Variants in DKK2 observed in about 807,000 individuals in gnomAD.
DKK2 encodes the protein dickkopf-related protein 2.
DKK2 carries 11 observed loss-of-function variants against 28.1 expected under a neutral mutation model. The ratio of observed to expected loss-of-function variants is 0.39; its 90% CI spans 0.25 to 0.65. DKK2 has a LOEUF of 0.65. Among genes scored for constraint, DKK2 ranks in the 30% least tolerant of loss-of-function variants. DKK2 has a pLI of 0.47. For synonymous variants in DKK2, 135 were observed against 126.5 expected (o/e 1.07, Z -0.45); for missense variants, 326 against 335.5 (o/e 0.97, Z 0.22).
At chr4:106,926,478 G>A (rs907726716) in intron 1 of DKK2, among the ~76,000 whole-genome samples, 1 of 152,166 alleles carries the variant, frequency 6.6e-6, no homozygotes, top group Admixed American at 6.5e-5. Context: ...GCAAGGAGGA[G>A]AAACATTTCC....
chr4:107,001,603 T>C (rs1723360321), intron 1 of DKK2, among the ~76,000 whole-genome samples: 1 of 152,200 alleles, frequency 6.6e-6, no homozygotes. Context: ...AGATGCTTGG[T>C]GCTCAGTAAA....
At chr4:106,948,142 T>C (rs1319637167) in intron 1 of DKK2, among the ~76,000 whole-genome samples, 1 of 152,140 alleles carries the variant, frequency 6.6e-6, no homozygotes, top group Non-Finnish European at 1.5e-5. Context: ...TCAAATGTTA[T>C]GCAGGTAGTA....
chr4:107,027,678 C>T (rs1244433978), intron 1 of DKK2, among the ~76,000 whole-genome samples: 2 of 151,554 alleles, frequency 1.3e-5, no homozygotes, highest in African/African-American at 2.4e-5. Flanking sequence ...TAGAAGCAGT[C>T]TAATATGCTG....
intron 1 of DKK2, among the ~76,000 whole-genome samples, chr4:106,934,217 T>G (rs1381530912): frequency 6.6e-6 from 1 of 152,132 alleles, no homozygotes; most frequent in Non-Finnish European, 1.5e-5. Context: ...TTCGTTTACA[T>G]TAAACTCTTT....
At chr4:106,946,722 G>A (rs777560184) in intron 1 of DKK2, among the ~76,000 whole-genome samples, 9 of 151,802 alleles carry the variant, frequency 5.9e-5, no homozygotes, top group Non-Finnish European at 8.8e-5. Context: ...CCTCTGATGC[G>A]GTTGTTACAA....
chr4:106,924,115 C>G lies in DKK2; in HGVS notation c.619G>C (p.Val207Leu). The G allele has an allele frequency of 6.2e-7, 1 of 1,614,038 alleles. No homozygotes were observed. Among genetic ancestry groups the G allele is most frequent in the Non-Finnish European group, 8.5e-7 (1 of 1,179,926 alleles). Residue 207 changes from valine (V) to leucine (L), a missense_variant, in exon 4 of 4, where the codon GTG becomes CTG. Coordinates refer to ENST00000285311, the MANE Select transcript of DKK2 (RefSeq NM_014421.3). Reference sequence around the variant, plus strand: ...GTACAGACTTCCCCCTGATGGAGCACTGGTTTGCAGATTTTGGTCCAGAAA... The same window carrying G: ...GTACAGACTTCCCCCTGATGGAGCAGTGGTTTGCAGATTTTGGTCCAGAAA... ...RHFWTKICKP[V>L]LHQGEVCTKQ...
chr4:107,002,005 A>G (rs2110365458), intron 1 of DKK2, among the ~76,000 whole-genome samples: 1 of 152,312 alleles, frequency 6.6e-6, no homozygotes, highest in East Asian at 1.9e-4. Context: ...TGCTGACAAC[A>G]AATACATCCA....
intron 1 of DKK2, among the ~76,000 whole-genome samples, chr4:106,990,251 G>T (rs1723184350): frequency 6.6e-6 from 1 of 152,120 alleles, no homozygotes; most frequent in South Asian, 2.1e-4. Flanking sequence ...CCACTATCAA[G>T]AGGTCAATAG....
chr4:106,940,893 G>T (rs1318454918), intron 1 of DKK2, among the ~76,000 whole-genome samples: 1 of 151,990 alleles, frequency 6.6e-6, no homozygotes, highest in Non-Finnish European at 1.5e-5. Flanking sequence ...TCACTCATAG[G>T]TGGGAATTGA....
intron 1 of DKK2, among the ~76,000 whole-genome samples, chr4:106,989,019 C>T (rs1211725811): frequency 6.6e-6 from 1 of 152,146 alleles, no homozygotes; most frequent in African/African-American, 2.4e-5. Context: ...CCTAATGCCA[C>T]CAAACCTCTG....
chr4:106,939,578 T>C (rs932222729), intron 1 of DKK2, among the ~76,000 whole-genome samples: 8 of 152,282 alleles, frequency 5.3e-5, no homozygotes, highest in Admixed American at 3.3e-4. Context: ...AAGCTACCAA[T>C]GACTTTCTTC....
chr4:107,000,246 A>G (rs1021756039), intron 1 of DKK2, among the ~76,000 whole-genome samples: 1 of 152,046 alleles, frequency 6.6e-6, no homozygotes, highest in Non-Finnish European at 1.5e-5. Context: ...TTTCTTTCTT[A>G]GTCTTTTACA....
intron 1 of DKK2, among the ~76,000 whole-genome samples, chr4:106,977,761 G>A (rs542394867): frequency 4.6e-5 from 7 of 152,172 alleles, no homozygotes; most frequent in Non-Finnish European, 1.0e-4. Flanking sequence ...CTCATTCTCC[G>A]TCCAGTTTTG....
chr4:106,950,549 T>C (rs1219267089), intron 1 of DKK2, among the ~76,000 whole-genome samples: 2 of 152,188 alleles, frequency 1.3e-5, no homozygotes, highest in African/African-American at 4.8e-5. Flanking sequence ...AAGCCCCTTC[T>C]TTCTGCTAGT....
intron 1 of DKK2, among the ~76,000 whole-genome samples, chr4:106,945,609 G>A (rs1052051900): frequency 2.6e-5 from 4 of 152,042 alleles, no homozygotes; most frequent in Non-Finnish European, 5.9e-5. Context: ...TTCTGTTCAC[G>A]TCTGCAGTGG....
intron 1 of DKK2, among the ~76,000 whole-genome samples, chr4:106,995,251 A>G (rs767744084): frequency 6.6e-6 from 1 of 152,102 alleles, no homozygotes; most frequent in Non-Finnish European, 1.5e-5. Context: ...TTTCTTAGCT[A>G]TAGACATTAT....
At chr4:106,953,351 C>T (rs184953068) in intron 1 of DKK2, among the ~76,000 whole-genome samples, 61 of 152,300 alleles carry the variant, frequency 4.0e-4, no homozygotes, top group Non-Finnish European at 7.2e-4. Flanking sequence ...CAAAAATTCA[C>T]TTACAGCACC....
In DKK2 at chr4:107,016,106, G is replaced by A. The variant is rs916152013; in HGVS notation, c.222+19264C>T. Among the ~76,000 whole-genome samples the A allele has an allele frequency of 5.9e-5, 9 of 151,936 alleles. 1 individual carries two copies. The highest frequency in any genetic ancestry group is 5.9e-4 in the Admixed American group (9 of 15,232). On this transcript the variant is annotated intron_variant, in intron 1 of 3. Transcript: ENST00000285311. ...TTCCAAAGAGTCAAATTAGAGCAAA[G>A]TTATTTGAAAGTCTGAGTCTGGGGG... is the stretch of plus-strand genomic sequence containing the variant.
intron 1 of DKK2, among the ~76,000 whole-genome samples, chr4:106,973,559 T>C (rs889082782): frequency 3.3e-5 from 5 of 152,226 alleles, no homozygotes; most frequent in African/African-American, 1.2e-4. Flanking sequence ...CTTCATAACC[T>C]TCACACACTT....
Sources: allele counts gnomAD v4.1 joint callset (sites outside exome capture counted in the v4.1 genomes callset), GRCh38; gene constraint gnomAD v4.1.1; transcripts MANE v1.5; gene names NCBI Gene and HGNC (gene_info 2026-07-23, HGNC 2026-07-21).